The following SEC13 variants were observed in gnomAD, a reference collection of about 807,000 sequenced individuals.
SEC13 encodes protein SEC13 homolog.
Under a neutral mutation model 49.2 loss-of-function variants are expected in SEC13, and 25 were observed. The ratio of observed to expected loss-of-function variants is 0.51; its 90% CI spans 0.37 to 0.71. The LOEUF (loss-of-function observed/expected upper bound fraction) is 0.71. Among genes scored for constraint, SEC13 ranks in the 30% least tolerant of loss-of-function variants. The pLI is 0.00. For synonymous variants in SEC13, 148 were observed against 163.9 expected (o/e 0.90, Z 0.74); for missense variants, 383 against 417.6 (o/e 0.92, Z 0.72).
chr3:10,320,777 G>C (rs1256004949), intron 1 of SEC13: 1 of 1,321,850 alleles, frequency 7.6e-7, no homozygotes, highest in Non-Finnish European at 9.6e-7. Context: ...TCCTCGTTTT[G>C]TTTTCAATTG....
At chr3:10,308,719 C>T (rs1437179013) in intron 5 of SEC13, among the ~76,000 whole-genome samples, 1 of 143,668 alleles carries the variant, frequency 7.0e-6, no homozygotes, top group East Asian at 1.9e-4. Context: ...TTCTCTAGAA[C>T]CCCCCAAAAT....
chr3:10,317,817 C>T (rs1701698617), intron 2 of SEC13, among the ~76,000 whole-genome samples: 1 of 152,158 alleles, frequency 6.6e-6, no homozygotes, highest in African/African-American at 2.4e-5. Context: ...ACAAATTATT[C>T]CCAGGTTCCT....
chr3:10,313,917 C>T, intron 3 of SEC13: 1 of 153,822 alleles, frequency 6.5e-6, no homozygotes, highest in Non-Finnish European at 1.4e-5. Flanking sequence ...AGGGGAGCTT[C>T]TAGGCCCATT....
chr3:10,305,134 T>C lies in SEC13; in HGVS notation c.607A>G (p.Lys203Glu). 2 of 1,613,334 alleles carry C rather than the reference T, an allele frequency of 1.2e-6. No homozygotes were observed. The highest frequency in any genetic ancestry group is 1.3e-5 in the African/African-American group (1 of 75,036). The change falls in exon 7 of 9, where the codon AAG becomes GAG. Residue 203 changes from lysine (K) to glutamate (E), a missense_variant. Lys to Glu is a moderately conservative substitution (Grantham distance 56). Coordinates refer to ENST00000350697, the MANE Select transcript of SEC13 (RefSeq NM_183352.3). ...LWKEEEDGQWKEEQKLEAHSD... is the reference protein window; with the variant it reads ...LWKEEEDGQWEEEQKLEAHSD... ...TGCGCTTCTAGCTTCTGCTCCTCCT[T>C]CCACTGGCCGTCCTCCTCCTCCCTA... is the stretch of plus-strand genomic sequence containing the variant.
chr3:10,309,942 T>G (rs187226145), intron 5 of SEC13, among the ~76,000 whole-genome samples: 1 of 152,212 alleles, frequency 6.6e-6, no homozygotes, highest in Admixed American at 6.5e-5. Flanking sequence ...CTACATCTCA[T>G]CCTTCCTTTC....
intron 3 of SEC13, 72 bp from the exon 4 acceptor site, chr3:10,312,802 G>T: frequency 6.8e-7 from 1 of 1,479,704 alleles, no homozygotes; most frequent in Non-Finnish European, 9.4e-7. Context: ...GAACTAAATG[G>T]CTCCCTGAGA....
rs370424683 is a variant in SEC13 at position 10,316,363 on chromosome 3, C to T, written c.49-927G>A. Among the ~76,000 whole-genome samples, 11 of 152,330 alleles carry T rather than the reference C, an allele frequency of 7.2e-5. No individual in the cohort carries two copies. The East Asian group carries it at 2.1e-3, about 29-fold the overall frequency. ...TTATGCCCATTCAAAGGCACTCATTCTGTCTGGCTCAGATGGGAATTCTCA... is the reference window on the plus strand; with the variant it reads ...TTATGCCCATTCAAAGGCACTCATTTTGTCTGGCTCAGATGGGAATTCTCA... On this transcript the variant is annotated intron_variant, in intron 2 of 8. Transcript: ENST00000350697.
At chr3:10,308,409 C>G (rs1311267411) in intron 5 of SEC13, among the ~76,000 whole-genome samples, 2 of 152,082 alleles carry the variant, frequency 1.3e-5, no homozygotes, top group African/African-American at 4.8e-5. Flanking sequence ...TTATTGCAGT[C>G]ATTTCTTTTT....
intron 2 of SEC13, among the ~76,000 whole-genome samples, chr3:10,316,823 G>A (rs1247644914): frequency 6.6e-6 from 1 of 151,982 alleles, no homozygotes; most frequent in Non-Finnish European, 1.5e-5. Context: ...CCAACATGGA[G>A]AAAACTTGCC....
At chr3:10,311,516 C>A in intron 5 of SEC13, 1 of 365,868 alleles carries the variant, frequency 2.7e-6, no homozygotes. Context: ...GATTGAACCA[C>A]CAACATCACG....
At chr3:10,303,934 G>T in intron 8 of SEC13, 92 bp downstream of exon 8, 1 of 1,410,284 alleles carries the variant, frequency 7.1e-7, no homozygotes, top group Non-Finnish European at 9.9e-7. Flanking sequence ...TGCCCAGCCT[G>T]CAGTCAGATG....
chr3:10,310,767 C>A (rs1289973789), intron 5 of SEC13, among the ~76,000 whole-genome samples: 1 of 152,208 alleles, frequency 6.6e-6, no homozygotes, highest in Non-Finnish European at 1.5e-5. Flanking sequence ...CATGCAAAAA[C>A]TTATCTGCAA....
At chr3:10,320,814 G>GGCAGGAGAC (rs2059763742) in intron 1 of SEC13, 3 of 1,329,216 alleles carry the variant, frequency 2.3e-6, no homozygotes, top group Admixed American at 3.8e-5. Context: ...AAGGGAGACT[G>GGCAGGAGAC]GCAGGAGACG....
chr3:10,308,550 A>C (rs1041339941), intron 5 of SEC13, among the ~76,000 whole-genome samples: 1 of 152,048 alleles, frequency 6.6e-6, no homozygotes, highest in African/African-American at 2.4e-5. Context: ...CTTTGTGTGA[A>C]CTTCAAAGTC....
intron 1 of SEC13, chr3:10,319,091 G>T: frequency 6.6e-7 from 1 of 1,521,078 alleles, no homozygotes; most frequent in Non-Finnish European, 8.9e-7. Context: ...TCTTGGGATA[G>T]AAAAGAGGAC....
At chr3:10,312,477 CAAG>C in intron 4 of SEC13, 99 bp downstream of exon 4, 1 of 1,404,640 alleles carries the variant, frequency 7.1e-7, no homozygotes, top group Middle Eastern at 2.6e-4. Flanking sequence ...AAGAGACAGA[CAAG>C]AGGCACCACG....
chr3:10,303,020 C>A (rs529673234), intron 8 of SEC13, among the ~76,000 whole-genome samples: 51 of 152,274 alleles, frequency 3.3e-4, no homozygotes, highest in African/African-American at 1.1e-3. Flanking sequence ...GGGTGGCTGC[C>A]AGGGCTGGGG....
In SEC13 at chr3:10,305,653, G is replaced by A. The variant is rs1559492445; in HGVS notation, c.490C>T (p.Pro164Ser). 1.9e-6 allele frequency: 3 copies of A among 1,614,176 alleles called. No individual in the cohort carries two copies. The highest frequency in any genetic ancestry group is 1.1e-5 in the South Asian group (1 of 91,080). Reference sequence around the variant, plus strand: ...GATGGGTGGTCTATGAGGCTTCCAGGTACAACAGCAGGGGCCCAGCTGACG... The same window carrying A: ...GATGGGTGGTCTATGAGGCTTCCAGATACAACAGCAGGGGCCCAGCTGACG... Reference protein sequence around the residue: ...NAVSWAPAVVPGSLIDHPSGQ... With the variant: ...NAVSWAPAVVSGSLIDHPSGQ... Residue 164 changes from proline to serine, a missense_variant, in exon 6 of 9, where the codon CCT (proline) becomes TCT (serine). By Grantham distance (74) the Pro-to-Ser change is moderately conservative. Transcript: ENST00000350697.
At chr3:10,305,519 A>G in intron 6 of SEC13, 40 bp downstream of exon 6, 1 of 1,608,978 alleles carries the variant, frequency 6.2e-7, no homozygotes, top group South Asian at 1.1e-5. Flanking sequence ...TAAAGGGTAG[A>G]AGTGTCCCCT....
Sources: allele counts gnomAD v4.1 joint callset (sites outside exome capture counted in the v4.1 genomes callset), GRCh38; gene constraint gnomAD v4.1.1; transcripts MANE v1.5; gene names NCBI Gene and HGNC (gene_info 2026-07-23, HGNC 2026-07-21).